The following PRKCH variants were observed in gnomAD, a reference collection of about 807,000 sequenced individuals.
PRKCH encodes protein kinase C eta, also known as protein kinase C eta type.
PRKCH carries 28 observed loss-of-function variants against 82.5 expected under a neutral mutation model. The observed-to-expected ratio is 0.34, with a 90% CI of 0.25 to 0.47. The LOEUF is 0.47. Ranked by LOEUF, PRKCH falls within the 20% of genes least tolerant of loss-of-function variation. The pLI is 1.00. For missense variants in PRKCH, 705 were observed against 881.8 expected, an observed-to-expected ratio of 0.80 and a Z score of 2.54; for synonymous variants, 322 against 327.4, an observed-to-expected ratio of 0.98 and a Z score of 0.18.
At chr14:61,471,911 A>T (rs974030314) in intron 9 of PRKCH, among the ~76,000 whole-genome samples, 5 of 152,142 alleles carry the variant, frequency 3.3e-5, no homozygotes, top group Non-Finnish European at 7.4e-5. Flanking sequence ...GGGTTAGACG[A>T]TCACTTTTCT....
chr14:61,525,900 C>T (rs1470841839), intron 10 of PRKCH: 1 of 152,562 alleles, frequency 6.6e-6, no homozygotes, highest in Non-Finnish European at 1.5e-5. Context: ...GGGCTTTGTC[C>T]CCCCGGCCGT....
intron 10 of PRKCH, among the ~76,000 whole-genome samples, chr14:61,496,717 A>T (rs4899051): frequency 0.94 from 142,774 of 152,206 alleles, 67,617 homozygotes; most frequent in East Asian, 1. Flanking sequence ...ATGACAGGAG[A>T]GTTAGGTGTT....
intron 10 of PRKCH, among the ~76,000 whole-genome samples, chr14:61,505,696 T>C (rs973793757): frequency 5.9e-5 from 9 of 152,072 alleles, no homozygotes; most frequent in Non-Finnish European, 8.8e-5. Flanking sequence ...CTAAGGGCGC[T>C]AATCCCATTC....
At chr14:61,400,635 T>C (rs1198209924) in intron 2 of PRKCH, among the ~76,000 whole-genome samples, 1 of 152,234 alleles carries the variant, frequency 6.6e-6, no homozygotes, top group Non-Finnish European at 1.5e-5. Context: ...GTTGAATGCC[T>C]TCTGAGGACC....
chr14:61,458,036 G>T (rs1884859856), intron 9 of PRKCH, among the ~76,000 whole-genome samples: 1 of 152,216 alleles, frequency 6.6e-6, no homozygotes, highest in African/African-American at 2.4e-5. Context: ...GATGAATTTG[G>T]CTGTGACTCT....
intron 1 of PRKCH, among the ~76,000 whole-genome samples, chr14:61,301,354 A>G (rs1274022386): frequency 6.6e-6 from 1 of 152,246 alleles, no homozygotes; most frequent in Admixed American, 6.5e-5. Context: ...CAGAAGGAAA[A>G]TAAACATTTT....
At chr14:61,198,760 A>G (rs2140037036) in intron 1 of PRKCH, among the ~76,000 whole-genome samples, 1 of 152,378 alleles carries the variant, frequency 6.6e-6, no homozygotes, top group Non-Finnish European at 1.5e-5. Flanking sequence ...TAGCTACTGC[A>G]GACAGATCAA....
intron 1 of PRKCH, among the ~76,000 whole-genome samples, chr14:61,267,768 G>C (rs539132274): frequency 6.6e-6 from 1 of 152,044 alleles, no homozygotes; most frequent in Non-Finnish European, 1.5e-5. Flanking sequence ...CCACTGTCTT[G>C]TTGTTATGCT....
chr14:61,383,313 G>A (rs1161570770), intron 1 of PRKCH, among the ~76,000 whole-genome samples: 1 of 152,118 alleles, frequency 6.6e-6, no homozygotes, highest in Non-Finnish European at 1.5e-5. Flanking sequence ...TTAGCTCTTA[G>A]ATCAACTCAG....
rs1171315407 is a variant in PRKCH, at chr14:61,505,373, G to GTCTTT, written c.1433+19739_1433+19743dup. Reference sequence around the variant, plus strand: ...GCCGTGAGAGAGCTCTCTAGGATTTGTCTTTTCTTTTCTTTTCTTTTCTTT... The same window carrying GTCTTT: ...GCCGTGAGAGAGCTCTCTAGGATTTGTCTTTTCTTTTCTTTTCTTTTCTTTTCTTT... On this transcript the variant is annotated intron_variant, in intron 10 of 13. Coordinates refer to ENST00000332981, the MANE Select transcript of PRKCH (RefSeq NM_006255.5). 5.7e-3 allele frequency among the ~76,000 whole-genome samples: 596 copies of GTCTTT among 104,150 alleles called. 10 individuals are homozygous for GTCTTT. The highest frequency in any genetic ancestry group is 0.034 in the East Asian group (104 of 3,096). 68.3% of individuals were successfully genotyped at this position (104,150 alleles called of 152,430 possible).
intron 1 of PRKCH, among the ~76,000 whole-genome samples, chr14:61,276,734 C>T (rs1164382269): frequency 6.6e-6 from 1 of 151,740 alleles, no homozygotes; most frequent in Non-Finnish European, 1.5e-5. Context: ...TGCAGCTCTA[C>T]CAGCAACTTA....
intron 9 of PRKCH, among the ~76,000 whole-genome samples, chr14:61,475,334 A>G (rs1885681962): frequency 6.6e-6 from 1 of 152,222 alleles, no homozygotes; most frequent in Admixed American, 6.5e-5. Context: ...TAATCATCCA[A>G]GATATCTTCT....
At chr14:61,393,358 G>C (rs1216078284) in intron 2 of PRKCH, among the ~76,000 whole-genome samples, 1 of 152,132 alleles carries the variant, frequency 6.6e-6, no homozygotes, top group Non-Finnish European at 1.5e-5. Flanking sequence ...AGTTTGAGGG[G>C]AATTAACATC....
chr14:61,296,444 A>G (rs968885002), intron 1 of PRKCH, among the ~76,000 whole-genome samples: 2 of 152,212 alleles, frequency 1.3e-5, no homozygotes, highest in Non-Finnish European at 2.9e-5. Context: ...TGAGCAATGG[A>G]AAATTCCTTT....
intron 2 of PRKCH, among the ~76,000 whole-genome samples, chr14:61,427,760 TA>T (rs1883184207): frequency 6.6e-6 from 1 of 152,022 alleles, no homozygotes; most frequent in Admixed American, 6.5e-5. Flanking sequence ...CTAATTTTTG[TA>T]TTTTTGTAGA....
At chr14:61,317,311 A>G (rs747280415), upstream of PRKCH, among the ~76,000 whole-genome samples, 10 of 152,024 alleles carry the variant, frequency 6.6e-5, no homozygotes, top group Non-Finnish European at 1.5e-4. Flanking sequence ...GGGTGCCTAC[A>G]TTCACTCTCT....
chr14:61,190,398 A>G (rs1228730019), intron 1 of PRKCH, among the ~76,000 whole-genome samples: 2 of 152,140 alleles, frequency 1.3e-5, no homozygotes, highest in African/African-American at 4.8e-5. Flanking sequence ...GAACATCTGT[A>G]TCAACCTTCT....
At chr14:61,357,538 G>A (rs1198855561) in intron 1 of PRKCH, among the ~76,000 whole-genome samples, 1 of 152,102 alleles carries the variant, frequency 6.6e-6, no homozygotes, top group Non-Finnish European at 1.5e-5. Flanking sequence ...TCCCTCCAAT[G>A]TGTTACTGTC....
At chr14:61,417,525 A>G (rs936457121) in intron 2 of PRKCH, among the ~76,000 whole-genome samples, 5 of 152,240 alleles carry the variant, frequency 3.3e-5, no homozygotes, top group African/African-American at 1.2e-4. Context: ...TTGACTAATC[A>G]TATACTTAAT....
Sources: allele counts gnomAD v4.1 joint callset (sites outside exome capture counted in the v4.1 genomes callset), GRCh38; gene constraint gnomAD v4.1.1; transcripts MANE v1.5; gene names NCBI Gene and HGNC (gene_info 2026-07-23, HGNC 2026-07-21).